MAML3: variants seen among roughly 807,000 people sequenced by gnomAD.
The protein encoded by MAML3 is mastermind-like protein 3.
In MAML3, 27 loss-of-function variants were observed where a neutral mutation model predicts 101.9. That is an observed-to-expected ratio of 0.27 (90% CI 0.20 to 0.37). MAML3 has a LOEUF of 0.37. Ranked by LOEUF, MAML3 falls within the 10% of genes least tolerant of loss-of-function variation. The pLI is 1.00. For missense variants in MAML3, 1,316 were observed against 1,444.9 expected, an observed-to-expected ratio of 0.91 and a Z score of 1.45; for synonymous variants, 501 against 555.9, an observed-to-expected ratio of 0.90 and a Z score of 1.39.
intron 3 of MAML3, 44 bp downstream of exon 3, chr4:139,730,372 T>C: frequency 6.5e-7 from 1 of 1,527,318 alleles, no homozygotes; most frequent in Non-Finnish European, 8.8e-7. Context: ...GCTGAATAAG[T>C]GCTTGCTGAA....
intron 1 of MAML3, among the ~76,000 whole-genome samples, chr4:140,099,724 G>A (rs763952380): frequency 8.5e-5 from 13 of 152,142 alleles, no homozygotes; most frequent in Non-Finnish European, 1.9e-4. Context: ...CACATGTTTG[G>A]CAATCAGAAA....
chr4:139,842,094 G>A (rs1290836122), intron 2 of MAML3, among the ~76,000 whole-genome samples: 1 of 152,188 alleles, frequency 6.6e-6, no homozygotes, highest in Non-Finnish European at 1.5e-5. Flanking sequence ...GCTGGGGGCA[G>A]TACCTGCAGA....
chr4:139,876,230 A>T (rs1732112683), intron 2 of MAML3, among the ~76,000 whole-genome samples: 1 of 152,276 alleles, frequency 6.6e-6, no homozygotes. Flanking sequence ...AAATATATTA[A>T]GATGAATGTC....
At chr4:139,855,386 T>C (rs993068039) in intron 2 of MAML3, among the ~76,000 whole-genome samples, 2 of 152,178 alleles carry the variant, frequency 1.3e-5, no homozygotes, top group African/African-American at 2.4e-5. Context: ...GAAAAGAAAT[T>C]TGTCCAAGTG....
chr4:140,121,402 C>A (rs979386571), intron 1 of MAML3, among the ~76,000 whole-genome samples: 1 of 152,172 alleles, frequency 6.6e-6, no homozygotes, highest in Non-Finnish European at 1.5e-5. Context: ...TAAACAAGTT[C>A]CAAGGTTCTT....
chr4:139,913,676 T>C (rs996485635), intron 1 of MAML3, among the ~76,000 whole-genome samples: 42 of 152,324 alleles, frequency 2.8e-4, no homozygotes, highest in Admixed American at 1.8e-3. Context: ...AGCGCTGCAC[T>C]GATTTCAGTG....
intron 1 of MAML3, among the ~76,000 whole-genome samples, chr4:139,901,598 G>A (rs542716202): frequency 6.6e-6 from 1 of 152,294 alleles, no homozygotes; most frequent in African/African-American, 2.4e-5. Context: ...AAAGGAGGTT[G>A]GTGAGGAAGA....
intron 2 of MAML3, among the ~76,000 whole-genome samples, chr4:139,765,209 A>G (rs745756827): frequency 1.2e-4 from 18 of 152,200 alleles, no homozygotes; most frequent in African/African-American, 3.1e-4. Context: ...GTAAAAAATG[A>G]TAAGTTCACC....
chr4:140,022,754 A>T (rs1306689275), intron 1 of MAML3, among the ~76,000 whole-genome samples: 1 of 152,198 alleles, frequency 6.6e-6, no homozygotes, highest in Non-Finnish European at 1.5e-5. Flanking sequence ...TCTGCCCACT[A>T]AATAAGCAGT....
intron 1 of MAML3, among the ~76,000 whole-genome samples, chr4:139,991,377 C>A (rs181588159): frequency 2.6e-5 from 4 of 152,246 alleles, no homozygotes; most frequent in East Asian, 3.9e-4. Flanking sequence ...GGATCCCTTC[C>A]TTACACCTTA....
At chr4:139,815,677 C>A (rs1054784870) in intron 2 of MAML3, among the ~76,000 whole-genome samples, 23 of 152,134 alleles carry the variant, frequency 1.5e-4, no homozygotes, top group African/African-American at 5.6e-4. Flanking sequence ...AAAGGTACTA[C>A]TACTACTACT....
At chr4:140,049,700 G>T (rs1327957521) in intron 1 of MAML3, among the ~76,000 whole-genome samples, 1 of 151,864 alleles carries the variant, frequency 6.6e-6, no homozygotes, top group East Asian at 1.9e-4. Context: ...AGACTACACT[G>T]TGCTGCCTGG....
chr4:139,793,829 A>G (rs1422937345), intron 2 of MAML3, among the ~76,000 whole-genome samples: 2 of 152,260 alleles, frequency 1.3e-5, no homozygotes, highest in Non-Finnish European at 2.9e-5. Context: ...TTGTTTGAAT[A>G]TTCCAATGGT....
At chr4:139,846,937 T>C (rs1483460004) in intron 2 of MAML3, among the ~76,000 whole-genome samples, 2 of 152,198 alleles carry the variant, frequency 1.3e-5, no homozygotes, top group Non-Finnish European at 2.9e-5. Context: ...AAAAGTGTAA[T>C]GAGACTGGAG....
rs112038704 is a variant in MAML3 at position 140,143,133 on chromosome 4, C to T, written c.468+9727G>A. 5.4e-4 allele frequency among the ~76,000 whole-genome samples: 82 copies of T among 152,282 alleles called. 1 individual carries two copies. Among genetic ancestry groups the T allele is most frequent in the African/African-American group, 1.9e-3 (77 of 41,538 alleles). ...TCCATTTACATGTCTAATAAGACAA[C>T]AAATACCATTTCATAAAACTAATTT... is the stretch of plus-strand genomic sequence containing the variant. On this transcript the variant is annotated intron_variant, in intron 1 of 4. Transcript: ENST00000509479.
chr4:139,804,905 G>A (rs565397627), intron 2 of MAML3, among the ~76,000 whole-genome samples: 105 of 152,244 alleles, frequency 6.9e-4, no homozygotes, highest in African/African-American at 2.4e-3. Flanking sequence ...GATGCTGGGC[G>A]CGATGGCTCA....
chr4:139,823,902 T>C (rs1321770233), intron 2 of MAML3, among the ~76,000 whole-genome samples: 2 of 151,686 alleles, frequency 1.3e-5, no homozygotes, highest in East Asian at 2.0e-4. Flanking sequence ...AGTTAAGCAA[T>C]TGATAGGTCT....
At chr4:139,921,526 T>A (rs1733130387) in intron 1 of MAML3, among the ~76,000 whole-genome samples, 1 of 152,180 alleles carries the variant, frequency 6.6e-6, no homozygotes, top group Non-Finnish European at 1.5e-5. Flanking sequence ...AAGCCCTTCC[T>A]CTGGCACTGC....
intron 1 of MAML3, among the ~76,000 whole-genome samples, chr4:140,105,154 C>T (rs938032723): frequency 6.6e-6 from 1 of 152,126 alleles, no homozygotes; most frequent in African/African-American, 2.4e-5. Flanking sequence ...AGCCACCACC[C>T]CCATCATGTA....
Sources: gnomAD v4.1 joint callset for allele counts (sites outside exome capture counted in the v4.1 genomes callset) on GRCh38, gnomAD v4.1.1 for gene constraint, MANE v1.5 for transcripts, NCBI Gene and HGNC (gene_info 2026-07-23, HGNC 2026-07-21) for gene names.